Variants in KRT28 observed in about 807,000 individuals in gnomAD.
KRT28 encodes keratin 28, also known as keratin, type I cytoskeletal 28.
KRT28 carries 45 observed loss-of-function variants against 48.1 expected under a neutral mutation model. The observed-to-expected ratio is 0.94, with a 90% CI of 0.74 to 1.20. The LOEUF (loss-of-function observed/expected upper bound fraction) is 1.20, where lower values mean the gene tolerates loss of function less well. KRT28 is among the 50% of genes most tolerant of loss of function. KRT28 has a pLI of 0.00. For synonymous variants in KRT28, 228 were observed against 227.4 expected (o/e 1.00, Z -0.03); for missense variants, 571 against 574.1 (o/e 0.99, Z 0.06).
chr17:40,799,712 TGGC>T lies in KRT28; in HGVS notation c.179_181del (p.Ser60_His61delinsAsn). 6.2e-7 allele frequency: 1 copy of T among 1,613,976 alleles called. No homozygotes were observed. The highest frequency in any genetic ancestry group is 8.5e-7 in the Non-Finnish European group (1 of 1,179,964). ...AGCATTTCCAAGGGCACCACCAGCATGGCTCCCACCAGGAACACTGCCCAAGCC... is the reference window on the plus strand; with the variant it reads ...AGCATTTCCAAGGGCACCACCAGCATTCCCACCAGGAACACTGCCCAAGCC... On this transcript the variant is annotated inframe_deletion, in exon 1 of 8. Coordinates refer to ENST00000306658, the MANE Select transcript of KRT28 (RefSeq NM_181535.3).
chr17:40,798,696 G>C (rs1904678607), intron 2 of KRT28, among the ~76,000 whole-genome samples: 1 of 152,142 alleles, frequency 6.6e-6, no homozygotes, highest in Non-Finnish European at 1.5e-5. Context: ...TCTACTTTGT[G>C]CTTGGCAGTA....
chr17:40,795,221 G>A (rs1020606177), intron 5 of KRT28, among the ~76,000 whole-genome samples: 8 of 152,200 alleles, frequency 5.3e-5, no homozygotes, highest in African/African-American at 1.4e-4. Context: ...CCAGGAGCAG[G>A]TAAGTGGAAG....
intron 2 of KRT28, 83 bp from the exon 3 acceptor site, chr17:40,798,474 G>A: frequency 7.0e-7 from 1 of 1,422,962 alleles, no homozygotes; most frequent in Non-Finnish European, 9.5e-7. Context: ...GCTTTAAACT[G>A]AAAATTAGAA....
chr17:40,798,153 A>G, intron 3 of KRT28, 82 bp downstream of exon 3: 3 of 1,329,394 alleles, frequency 2.3e-6, no homozygotes, highest in East Asian at 2.3e-5. Context: ...CTGAATTACT[A>G]TTGTGATTTT....
At chr17:40,798,680 TG>T (rs1238450944) in intron 2 of KRT28, among the ~76,000 whole-genome samples, 6 of 152,234 alleles carry the variant, frequency 3.9e-5, no homozygotes, top group African/African-American at 9.6e-5. Context: ...AATGATTTAC[TG>T]AGCATCTACT....
At position 40,798,317 on chromosome 17, in the gene KRT28, A is replaced by G; in HGVS notation, c.608T>C (p.Leu203Pro). ...INGLRRVLDE[L>P]TLCRTDQELQ... is the part of the protein sequence containing the mutation. The stretch of plus-strand genomic sequence containing the variant: ...CTCCTGGTCGGTCCTGCAGAGCGTC[A>G]GCTCGTCCAGGACTCGCCGTAATCC... The change falls in exon 3 of 8, where the codon CTG (leucine) becomes CCG (proline). Residue 203 changes from leucine (L) to proline (P), a missense_variant. Coordinates refer to ENST00000306658, the MANE Select transcript of KRT28 (RefSeq NM_181535.3). 6.2e-7 allele frequency: 1 copy of G among 1,613,618 alleles called. No homozygotes were observed. Among genetic ancestry groups the G allele is most frequent in the Non-Finnish European group, 8.5e-7 (1 of 1,179,706 alleles).
rs1271268902 is a variant in KRT28 at position 40,796,865 on chromosome 17, C to T, written c.978+51G>A. ...AGGAAGGGCAGAGGGAAGTGTTTCT[C>T]GGAGGCTTTCTAGAATCACAGGATC... On this transcript the variant is annotated intron_variant, in intron 5 of 7. Transcript: ENST00000306658. 5.2e-6 allele frequency: 8 copies of T among 1,525,012 alleles called. 1 individual carries two copies. The highest frequency in any genetic ancestry group is 2.0e-4 in the Middle Eastern group (1 of 5,122). 94.5% of individuals were successfully genotyped at this position (1,525,012 alleles called of 1,614,324 possible). A position where few individuals can be genotyped will look rare whatever the true frequency, so the allele number is the denominator to read the frequency against.
intron 6 of KRT28, 132 bp downstream of exon 6, chr17:40,793,697 A>C: frequency 1.2e-6 from 1 of 821,702 alleles, no homozygotes; most frequent in Non-Finnish European, 2.0e-6. Context: ...CTTCCAAAAA[A>C]ACAAGAGATG....
chr17:40,798,213 C>T, intron 3 of KRT28, 22 bp downstream of exon 3: 1 of 1,589,104 alleles, frequency 6.3e-7, no homozygotes, highest in South Asian at 1.1e-5. Context: ...TGTGATTGGA[C>T]TACAGGTAAA....
At position 40,798,916 on chromosome 17, in the gene KRT28, C is replaced by T. The variant is rs768166301; in HGVS notation, c.533+1G>A. ...GAGCAGGATTTTCTTCTGTCACTTA[C>T]TTTAGCCTGAAATCATCAGCAGCCA... On this transcript the variant is annotated splice_donor_variant, in intron 2 of 7. Coordinates refer to ENST00000306658, the MANE Select transcript of KRT28 (RefSeq NM_181535.3). LOFTEE classifies it high-confidence loss of function. 10 of 1,591,778 alleles carry T rather than the reference C, an allele frequency of 6.3e-6. No individual in the cohort carries two copies. The highest frequency in any genetic ancestry group is 8.6e-6 in the Non-Finnish European group (10 of 1,165,910).
chr17:40,799,314 G>T, intron 1 of KRT28, 130 bp downstream of exon 1: 1 of 785,260 alleles, frequency 1.3e-6, no homozygotes, highest in South Asian at 2.1e-5. Context: ...TTGAATAGTA[G>T]GAAGAATTGT....
In KRT28 at chr17:40,799,624, C is replaced by T; in HGVS notation, c.270G>A (p.Met90Ile). 1 of 1,614,174 alleles carries T rather than the reference C, an allele frequency of 6.2e-7. No homozygotes were observed. Among genetic ancestry groups the T allele is most frequent in the Non-Finnish European group, 8.5e-7 (1 of 1,180,012 alleles). ...GLLSGNEKVT[M>I]QNLNDRLASY... ...ATGCCAAGCGGTCATTAAGATTTTG[C>T]ATGGTCACCTTCTCATTTCCAGAGA... The change falls in exon 1 of 8, where the codon ATG (methionine) becomes ATA (isoleucine). Residue 90 changes from methionine to isoleucine, a missense_variant. Coordinates refer to ENST00000306658, the MANE Select transcript of KRT28 (RefSeq NM_181535.3).
In KRT28 at chr17:40,798,911, A is replaced by G. The variant is rs1386620907; in HGVS notation, c.533+6T>C. 1 of 1,578,430 alleles carries G rather than the reference A, an allele frequency of 6.3e-7. No individual in the cohort carries two copies. Among genetic ancestry groups the G allele is most frequent in the Non-Finnish European group, 8.6e-7 (1 of 1,156,162 alleles). ...TTCTAGAGCAGGATTTTCTTCTGTCACTTACTTTAGCCTGAAATCATCAGC... is the reference window on the plus strand; with the variant it reads ...TTCTAGAGCAGGATTTTCTTCTGTCGCTTACTTTAGCCTGAAATCATCAGC... On this transcript the variant is annotated splice_donor_region_variant and intron_variant, in intron 2 of 7. Transcript: ENST00000306658.
intron 5 of KRT28, 104 bp downstream of exon 5, chr17:40,796,812 G>A (rs958798594): frequency 7.1e-7 from 1 of 1,415,564 alleles, no homozygotes; most frequent in Non-Finnish European, 9.4e-7. Flanking sequence ...CTAAGTATTT[G>A]CAGGCAAAGG....
rs1904517256 is a variant in KRT28, at chr17:40,792,557, G to C, written c.1265C>G (p.Thr422Ser). 2 of 1,605,376 alleles carry C rather than the reference G, an allele frequency of 1.2e-6. No individual in the cohort carries two copies. The highest frequency in any genetic ancestry group is 1.7e-6 in the Non-Finnish European group (2 of 1,177,120). ...PGNSSKDLSK[T>S]TLVKTVVEEL... ...TTCAACCACTGTCTTTACCAGTGTG[G>C]TTTTGGATAAATCTAGAAATAAAAC... Residue 422 changes from threonine to serine, a missense_variant, in exon 8 of 8, where the codon ACC (threonine) becomes AGC (serine). Transcript: ENST00000306658.
chr17:40,796,891 C>G, intron 5 of KRT28, 25 bp downstream of exon 5: 1 of 1,557,752 alleles, frequency 6.4e-7, no homozygotes, highest in Non-Finnish European at 8.7e-7. Context: ...TCACAGGATC[C>G]AGGCTGACCT....
In KRT28 at chr17:40,798,959, T is replaced by C. The variant is rs751628287; in HGVS notation, c.491A>G (p.Gln164Arg). 1 of 1,608,668 alleles carries C rather than the reference T, an allele frequency of 6.2e-7. No homozygotes were observed. Among genetic ancestry groups the C allele is most frequent in the Admixed American group, 1.7e-5 (1 of 59,520 alleles). Residue 164 changes from glutamine (Q) to arginine (R), a missense_variant, in exon 2 of 8, where the codon CAG (glutamine) becomes CGG (arginine). By Grantham distance (43) the Gln-to-Arg change is conservative. Transcript: ENST00000306658. ...STTTNANVIL[Q>R]IDNARLAADD... ...AGCAGCCAGTCTGGCATTATCAATC[T>C]GCAGAATGACATTAGCATTAGTAGT...
chr17:40,794,467 G>A (rs916986927), intron 5 of KRT28, among the ~76,000 whole-genome samples: 2 of 152,080 alleles, frequency 1.3e-5, no homozygotes, highest in Admixed American at 6.5e-5. Flanking sequence ...GATCCACTCC[G>A]CTAGTGTTCC....
chr17:40,799,091 G>T, intron 1 of KRT28, 92 bp from the exon 2 acceptor site: 3 of 819,422 alleles, frequency 3.7e-6, no homozygotes, highest in Non-Finnish European at 5.7e-6. Context: ...TCAAGTTTTT[G>T]CATAAAAATT....
Sources: allele counts gnomAD v4.1 joint callset (sites outside exome capture counted in the v4.1 genomes callset), GRCh38; gene constraint gnomAD v4.1.1; transcripts MANE v1.5; gene names NCBI Gene and HGNC (gene_info 2026-07-23, HGNC 2026-07-21).